NCOA2: variants seen among roughly 807,000 people sequenced by gnomAD.
NCOA2 encodes class E basic helix-loop-helix protein 75.
A neutral mutation model predicts 145.1 loss-of-function variants in NCOA2; 21 were observed. The observed-to-expected ratio is 0.14, with a 90% confidence interval of 0.10 to 0.21. The LOEUF (loss-of-function observed/expected upper bound fraction) is 0.21. Ranked by LOEUF, NCOA2 falls within the 10% of genes least tolerant of loss-of-function variation. The pLI, the probability that NCOA2 is intolerant of heterozygous loss-of-function variation, is 1.00. For synonymous variants in NCOA2, 619 were observed against 637.5 expected, an observed-to-expected ratio of 0.97 and a Z score of 0.44; for missense variants, 1,472 against 1,837.6, an observed-to-expected ratio of 0.80 and a Z score of 3.64.
chr8:70,228,804 T>C (rs1238294635), intron 2 of NCOA2, among the ~76,000 whole-genome samples: 1 of 152,216 alleles, frequency 6.6e-6, no homozygotes, highest in East Asian at 1.9e-4. Flanking sequence ...CAGAGACAGC[T>C]AGCTATATTA....
intron 1 of NCOA2, among the ~76,000 whole-genome samples, chr8:70,383,281 G>A (rs1812375907): frequency 6.6e-6 from 1 of 152,178 alleles, no homozygotes; most frequent in African/African-American, 2.4e-5. Flanking sequence ...CACCAAGGAG[G>A]AGCTGGACCA....
At chr8:70,197,833 A>G (rs933180555) in intron 4 of NCOA2, among the ~76,000 whole-genome samples, 1 of 105,932 alleles carries the variant, frequency 9.4e-6, no homozygotes, top group Non-Finnish European at 2.2e-5. Flanking sequence ...ATTTTCTCTA[A>G]AAGTTTTTTT....
rs1421495970 is a variant in NCOA2, at chr8:70,112,747, T to TA, written c.*884dup. The TA allele has an allele frequency of 9.6e-6, 2 of 208,608 alleles. No homozygotes were observed. The highest frequency in any genetic ancestry group is 1.9e-5 in the Non-Finnish European group (2 of 102,638). The allele number at this position is 208,608 out of a possible 1,614,324, so 12.9% of individuals were successfully genotyped here. On this transcript the variant is annotated 3_prime_UTR_variant, in exon 23 of 23. Transcript: ENST00000452400. ...GGTTTCTGTAGCTTATATTATTTTT[T>TA]AAAAAAGGAATGAAAATAGGGAGTA...
chr8:70,449,243 G>A, the NCOA2 span, among the ~76,000 whole-genome samples: 1 of 152,178 alleles, frequency 6.6e-6, no homozygotes, highest in Non-Finnish European at 1.5e-5. Flanking sequence ...AGGAAAACAA[G>A]ATGAAATAGA....
the NCOA2 span, among the ~76,000 whole-genome samples, chr8:70,455,350 G>C: frequency 6.6e-6 from 1 of 152,220 alleles, no homozygotes; most frequent in Admixed American, 6.5e-5. Context: ...CTATCGGAAA[G>C]GGAATGGGAA....
chr8:70,415,296 T>C, the NCOA2 span, among the ~76,000 whole-genome samples: 4 of 150,688 alleles, frequency 2.7e-5, no homozygotes, highest in South Asian at 6.2e-4. Flanking sequence ...ACCACTGCAC[T>C]CCAGCCCGGG....
At chr8:70,161,387 T>C (rs1052845760) in intron 9 of NCOA2, among the ~76,000 whole-genome samples, 3 of 152,214 alleles carry the variant, frequency 2.0e-5, no homozygotes, top group African/African-American at 7.2e-5. Flanking sequence ...AGGTTAAATA[T>C]TGATTTCTGT....
At chr8:70,384,901 C>T (rs999616567) in intron 1 of NCOA2, among the ~76,000 whole-genome samples, 3 of 152,140 alleles carry the variant, frequency 2.0e-5, no homozygotes, top group African/African-American at 7.2e-5. Flanking sequence ...TGAATCAGAC[C>T]TACCAAGTGC....
At chr8:70,363,993 A>G (rs1017439107) in intron 1 of NCOA2, among the ~76,000 whole-genome samples, 1 of 152,020 alleles carries the variant, frequency 6.6e-6, no homozygotes, top group Non-Finnish European at 1.5e-5. Flanking sequence ...TATATGCAGT[A>G]CAGGTGGGAT....
At chr8:70,123,529 A>G (rs1039674622) in intron 21 of NCOA2, among the ~76,000 whole-genome samples, 41 of 150,842 alleles carry the variant, frequency 2.7e-4, no homozygotes, top group Non-Finnish European at 1.0e-4. Flanking sequence ...ACAAAACAAA[A>G]CCCCCCCAAA....
chr8:70,252,122 C>T (rs1044781061), intron 2 of NCOA2, among the ~76,000 whole-genome samples: 1 of 152,076 alleles, frequency 6.6e-6, no homozygotes, highest in African/African-American at 2.4e-5. Context: ...TATTTTTGAT[C>T]CATGGTTAGT....
chr8:70,340,035 G>T (rs1807984054), intron 1 of NCOA2, among the ~76,000 whole-genome samples: 1 of 152,152 alleles, frequency 6.6e-6, no homozygotes, highest in African/African-American at 2.4e-5. Context: ...CATGGGCAAA[G>T]ATTTCATGAT....
chr8:70,402,950 T>C (rs1291007051), intron 1 of NCOA2, among the ~76,000 whole-genome samples: 2 of 135,166 alleles, frequency 1.5e-5, no homozygotes, highest in African/African-American at 5.5e-5. Flanking sequence ...CGCAGCTCCT[T>C]CCCGTCCGCC....
At chr8:70,346,608 C>G (rs1420124511) in intron 1 of NCOA2, among the ~76,000 whole-genome samples, 1 of 152,152 alleles carries the variant, frequency 6.6e-6, no homozygotes, top group Non-Finnish European at 1.5e-5. Flanking sequence ...GGAGTGGATG[C>G]TCAATGAGGC....
intron 1 of NCOA2, among the ~76,000 whole-genome samples, chr8:70,311,927 C>G (rs1253053761): frequency 6.6e-6 from 1 of 152,210 alleles, no homozygotes; most frequent in African/African-American, 2.4e-5. Context: ...TAATCTTGCA[C>G]TAAACACTTT....
intron 2 of NCOA2, among the ~76,000 whole-genome samples, chr8:70,290,688 G>C (rs2054292): frequency 0.032 from 4,847 of 151,874 alleles, 252 homozygotes; most frequent in African/African-American, 0.11. Flanking sequence ...TAATGCTAAA[G>C]AATCACAGTA....
chr8:70,124,356 T>G (rs1158329640), intron 20 of NCOA2, among the ~76,000 whole-genome samples: 6 of 151,690 alleles, frequency 4.0e-5, no homozygotes, highest in Non-Finnish European at 1.5e-5. Context: ...CTTTCTTTCT[T>G]TCTGTTTTTT....
chr8:70,169,962 G>C (rs1814050300), intron 6 of NCOA2, among the ~76,000 whole-genome samples: 1 of 151,768 alleles, frequency 6.6e-6, no homozygotes, highest in South Asian at 2.1e-4. Context: ...TGATTTTCAC[G>C]TACTTTAAAT....
At chr8:70,350,832 A>G (rs1809106639) in intron 1 of NCOA2, among the ~76,000 whole-genome samples, 1 of 152,226 alleles carries the variant, frequency 6.6e-6, no homozygotes, top group African/African-American at 2.4e-5. Context: ...TAAGTCCTCT[A>G]CAAACGTTCT....
Sources: gnomAD v4.1 joint callset for allele counts (sites outside exome capture counted in the v4.1 genomes callset) on GRCh38, gnomAD v4.1.1 for gene constraint, MANE v1.5 for transcripts, NCBI Gene and HGNC (gene_info 2026-07-23, HGNC 2026-07-21) for gene names.